ARHGAP42: variants seen among roughly 807,000 people sequenced by gnomAD.
ARHGAP42 encodes the protein Rho GTPase activating protein 42.
Under a neutral mutation model 125.0 loss-of-function variants are expected in ARHGAP42, and 63 were observed. The observed-to-expected ratio is 0.50, with a 90% CI of 0.41 to 0.62. The LOEUF is 0.62. ARHGAP42 is among the 20% of genes least tolerant of loss of function. ARHGAP42 has a pLI of 0.00. For missense variants in ARHGAP42, 766 were observed against 1,024.2 expected, an observed-to-expected ratio of 0.75 and a Z score of 3.44; for synonymous variants, 339 against 351.0, an observed-to-expected ratio of 0.97 and a Z score of 0.38.
intron 1 of ARHGAP42, among the ~76,000 whole-genome samples, chr11:100,704,517 C>T (rs1861447158): frequency 6.6e-6 from 1 of 152,168 alleles, no homozygotes; most frequent in Non-Finnish European, 1.5e-5. Flanking sequence ...CCAGTATTGC[C>T]TTCATTCCTC....
Position 100,757,623 on chromosome 11 carries a change from T to C in ARHGAP42, c.155-12720T>C, listed in dbSNP as rs1487704758. On this transcript the variant is annotated intron_variant, in intron 1 of 23. Coordinates refer to ENST00000298815, the MANE Select transcript of ARHGAP42 (RefSeq NM_152432.4). The stretch of plus-strand genomic sequence containing the variant: ...ATGGGGTGGCTCTAAGGGTACATAA[T>C]GAAATCTGCAATTTAAAAATGCCAT... Among the ~76,000 whole-genome samples, 3 of 152,196 alleles carry C rather than the reference T, an allele frequency of 2.0e-5. No individual in the cohort carries two copies. The East Asian group carries it at 5.8e-4, about 29-fold the overall frequency.
intron 2 of ARHGAP42, among the ~76,000 whole-genome samples, chr11:100,771,814 G>T (rs1862987430): frequency 6.6e-6 from 1 of 151,944 alleles, no homozygotes; most frequent in African/African-American, 2.4e-5. Context: ...TGTTGGCCAG[G>T]TGGTCTTGAA....
At chr11:100,933,009 C>T (rs1347309202) in intron 6 of ARHGAP42, 147 bp from the exon 7 acceptor site, 8 of 573,272 alleles carry the variant, frequency 1.4e-5, no homozygotes, top group Non-Finnish European at 1.8e-5. Flanking sequence ...GTTTTATAAT[C>T]GTAAATCTAT....
intron 3 of ARHGAP42, among the ~76,000 whole-genome samples, chr11:100,815,761 C>T (rs559790404): frequency 6.6e-6 from 1 of 152,234 alleles, no homozygotes; most frequent in South Asian, 2.1e-4. Flanking sequence ...AACTTGTCAT[C>T]TTGCAAAATT....
At chr11:100,716,520 A>G (rs1484085328) in intron 1 of ARHGAP42, among the ~76,000 whole-genome samples, 1 of 152,214 alleles carries the variant, frequency 6.6e-6, no homozygotes, top group Non-Finnish European at 1.5e-5. Flanking sequence ...CAATTTCTGA[A>G]GCATCAGTTC....
Position 100,706,252 on chromosome 11 carries a change from C to T in ARHGAP42, c.154+18420C>T, listed in dbSNP as rs11224401. Among the ~76,000 whole-genome samples the T allele has an allele frequency of 5.7e-3, 869 of 152,298 alleles. 47 individuals are homozygous for T. In the East Asian group the frequency reaches 0.14, roughly 25 times the overall value. ...ATGATTTGATTACTTCCCTGTTTCT[C>T]TCCCTAGCAAGTTAGCTCCATAAGA... On this transcript the variant is annotated intron_variant, in intron 1 of 23. Coordinates refer to ENST00000298815, the MANE Select transcript of ARHGAP42 (RefSeq NM_152432.4).
chr11:100,794,490 G>A (rs1469561390), intron 2 of ARHGAP42, among the ~76,000 whole-genome samples: 2 of 152,088 alleles, frequency 1.3e-5, no homozygotes, highest in Non-Finnish European at 2.9e-5. Flanking sequence ...TCTGGGGTGG[G>A]GCCTGAGAGT....
At chr11:100,729,958 C>G (rs1412348835) in intron 1 of ARHGAP42, among the ~76,000 whole-genome samples, 1 of 151,640 alleles carries the variant, frequency 6.6e-6, no homozygotes, top group African/African-American at 2.4e-5. Context: ...TTACAGGCAC[C>G]CACCACCACA....
At chr11:100,814,780 C>T (rs1432976393) in intron 3 of ARHGAP42, among the ~76,000 whole-genome samples, 2 of 152,224 alleles carry the variant, frequency 1.3e-5, no homozygotes, top group Non-Finnish European at 1.5e-5. Flanking sequence ...GAAGGATCCA[C>T]CTTCATGATC....
intron 3 of ARHGAP42, among the ~76,000 whole-genome samples, chr11:100,826,626 G>A (rs1864520474): frequency 6.6e-6 from 1 of 152,086 alleles, no homozygotes; most frequent in African/African-American, 2.4e-5. Flanking sequence ...AGTAATAGTT[G>A]AAGTTTTACT....
chr11:100,950,356 G>GTATT (rs200347941), intron 12 of ARHGAP42, among the ~76,000 whole-genome samples: 2 of 147,268 alleles, frequency 1.4e-5, no homozygotes, highest in Non-Finnish European at 3.0e-5. Context: ...TATAAATACT[G>GTATT]TATTTATTTA....
chr11:100,965,618 C>T (rs1251324743), intron 16 of ARHGAP42, 53 bp from the exon 17 acceptor site: 3 of 1,405,240 alleles, frequency 2.1e-6, no homozygotes, highest in Non-Finnish European at 3.0e-6. Flanking sequence ...TGTTTACATA[C>T]CCAATTGAAT....
intron 5 of ARHGAP42, among the ~76,000 whole-genome samples, chr11:100,920,358 T>G (rs1456709038): frequency 6.6e-6 from 1 of 152,184 alleles, no homozygotes; most frequent in Non-Finnish European, 1.5e-5. Flanking sequence ...ACATGTATAA[T>G]TTTTTACTCT....
rs768147682 is a variant in ARHGAP42, at chr11:100,819,287, A to G, written c.312+24121A>G. The stretch of plus-strand genomic sequence containing the variant: ...ATTGTATTAATGCTGAGAAGAACTC[A>G]TGGGTCCTAAATGATAACTCCTCTA... On this transcript the variant is annotated intron_variant, in intron 3 of 23. Transcript: ENST00000298815. Among the ~76,000 whole-genome samples, 18 of 152,196 alleles carry G rather than the reference A, an allele frequency of 1.2e-4. 1 individual carries two copies. The highest frequency in any genetic ancestry group is 8.3e-4 in the South Asian group (4 of 4,826).
chr11:100,765,506 T>A (rs369824000), intron 1 of ARHGAP42, among the ~76,000 whole-genome samples: 11 of 152,292 alleles, frequency 7.2e-5, no homozygotes, highest in African/African-American at 2.6e-4. Flanking sequence ...TGTGATGGCA[T>A]CTAGTTCTTG....
chr11:100,715,252 G>A (rs997963701), intron 1 of ARHGAP42, among the ~76,000 whole-genome samples: 4 of 152,052 alleles, frequency 2.6e-5, no homozygotes, highest in East Asian at 1.9e-4. Context: ...ATCTCCCTAC[G>A]CATTCATTTC....
At chr11:100,894,664 A>G (rs1478154997) in intron 4 of ARHGAP42, among the ~76,000 whole-genome samples, 1 of 152,142 alleles carries the variant, frequency 6.6e-6, no homozygotes, top group African/African-American at 2.4e-5. Context: ...TCACAAGCAG[A>G]CAGCTTTCAA....
intron 3 of ARHGAP42, among the ~76,000 whole-genome samples, chr11:100,832,170 A>T (rs971967855): frequency 1.2e-4 from 18 of 152,196 alleles, no homozygotes; most frequent in African/African-American, 4.3e-4. Flanking sequence ...TAGGCACATG[A>T]CTTTAGCTGA....
chr11:100,829,360 CAA>C (rs201534837), intron 3 of ARHGAP42, among the ~76,000 whole-genome samples: 37 of 124,436 alleles, frequency 3.0e-4, no homozygotes, highest in Non-Finnish European at 3.7e-4. Context: ...ACCCTGTCTT[CAA>C]AAAAAAAAAA....
Sources: gnomAD v4.1 joint callset for allele counts (sites outside exome capture counted in the v4.1 genomes callset) on GRCh38, gnomAD v4.1.1 for gene constraint, MANE v1.5 for transcripts, NCBI Gene and HGNC (gene_info 2026-07-23, HGNC 2026-07-21) for gene names.